Variants in ELP4 observed in about 807,000 individuals in gnomAD.
ELP4 encodes the protein elongator acetyltransferase complex subunit 4.
Under a neutral mutation model 48.9 loss-of-function variants are expected in ELP4, and 51 were observed. That is an observed-to-expected ratio of 1.04 (90% confidence interval 0.83 to 1.32). The LOEUF is 1.32. Ranked by LOEUF, ELP4 falls within the 40% of genes most tolerant of loss-of-function variation. ELP4 has a pLI of 0.00. For missense variants in ELP4, 519 were observed against 514.6 expected (o/e 1.01, Z -0.08); for synonymous variants, 210 against 189.2 (o/e 1.11, Z -0.90).
At chr11:31,617,901 G>T (rs1170219025) in intron 5 of ELP4, among the ~76,000 whole-genome samples, 8 of 151,884 alleles carry the variant, frequency 5.3e-5, no homozygotes, top group Non-Finnish European at 1.2e-4. Flanking sequence ...TTTTGGACTG[G>T]TACACTCTGG....
At chr11:31,690,199 A>G (rs1946247721) in intron 9 of ELP4, among the ~76,000 whole-genome samples, 1 of 152,178 alleles carries the variant, frequency 6.6e-6, no homozygotes. Context: ...CAGTCAGAGG[A>G]ATAGCTGACT....
At chr11:31,671,859 A>G (rs1945815040) in intron 9 of ELP4, among the ~76,000 whole-genome samples, 1 of 152,158 alleles carries the variant, frequency 6.6e-6, no homozygotes, top group Non-Finnish European at 1.5e-5. Context: ...TGCATACAGA[A>G]TTCTGTGAAC....
chr11:31,770,505 C>T (rs1479967980), intron 9 of ELP4, among the ~76,000 whole-genome samples: 1 of 150,074 alleles, frequency 6.7e-6, no homozygotes, highest in Non-Finnish European at 1.5e-5. Flanking sequence ...TCAACTGTTA[C>T]CTAAATGATT....
chr11:31,632,652 C>A (rs150093665), intron 7 of ELP4: 1 of 345,384 alleles, frequency 2.9e-6, no homozygotes, highest in African/African-American at 2.1e-5. Context: ...CTATGACTTG[C>A]TTTTTCTATT....
At chr11:31,568,237 G>A (rs527344979) in intron 3 of ELP4, among the ~76,000 whole-genome samples, 68 of 152,144 alleles carry the variant, frequency 4.5e-4, no homozygotes, top group South Asian at 1.9e-3. Flanking sequence ...TTAGGAATAC[G>A]GCTAACCAAG....
Position 31,649,939 on chromosome 11 carries a change from T to G in ELP4, c.1037-176T>G. The G allele has an allele frequency of 7.1e-6, 3 of 422,990 alleles. No homozygotes were observed. The East Asian group carries it at 1.1e-4, about 15-fold the overall frequency. The allele number at this position is 422,990 out of a possible 1,614,324, so 26.2% of individuals were successfully genotyped here. A position where few individuals can be genotyped will look rare whatever the true frequency, so the allele number is the denominator to read the frequency against. On this transcript the variant is annotated intron_variant, in intron 8 of 9. Transcript: ENST00000640961. ...AGGATTTCTGTTTATCTTATTCTGC[T>G]TGATTACTTGAGTATAATCACACCA...
At chr11:31,754,476 TACA>T (rs1947792668) in intron 9 of ELP4, among the ~76,000 whole-genome samples, 1 of 152,146 alleles carries the variant, frequency 6.6e-6, no homozygotes, top group East Asian at 1.9e-4. Flanking sequence ...GTAATACTAG[TACA>T]ACTAGTATTC....
intron 5 of ELP4, among the ~76,000 whole-genome samples, chr11:31,611,830 A>G (rs954696973): frequency 1.3e-5 from 2 of 152,214 alleles, no homozygotes; most frequent in African/African-American, 4.8e-5. Flanking sequence ...AAATATAAAG[A>G]AAAAACATTT....
At chr11:31,623,775 C>A (rs1412035983) in intron 5 of ELP4, among the ~76,000 whole-genome samples, 1 of 150,216 alleles carries the variant, frequency 6.7e-6, no homozygotes, top group African/African-American at 2.4e-5. Flanking sequence ...AAAAAAAAAA[C>A]CTATGGAATG....
intron 3 of ELP4, among the ~76,000 whole-genome samples, chr11:31,545,600 C>T (rs1474605581): frequency 1.3e-5 from 2 of 152,100 alleles, no homozygotes; most frequent in Non-Finnish European, 2.9e-5. Flanking sequence ...TATAGCAAGG[C>T]AGGCCAACAT....
At chr11:31,704,316 G>A (rs898050052) in intron 9 of ELP4, among the ~76,000 whole-genome samples, 1 of 151,928 alleles carries the variant, frequency 6.6e-6, no homozygotes, top group African/African-American at 2.4e-5. Context: ...CATAAAAAAG[G>A]ATGAGTTCAT....
At chr11:31,628,041 T>G (rs1434557983) in intron 6 of ELP4, among the ~76,000 whole-genome samples, 3 of 152,134 alleles carry the variant, frequency 2.0e-5, no homozygotes, top group Non-Finnish European at 2.9e-5. Flanking sequence ...TTTGTTTTGA[T>G]TGCCAGTTTA....
chr11:31,572,598 GTCTA>G (rs978105943), intron 3 of ELP4, among the ~76,000 whole-genome samples: 51 of 152,220 alleles, frequency 3.4e-4, no homozygotes, highest in African/African-American at 8.2e-4. Flanking sequence ...TAGAGAGATT[GTCTA>G]TCTATCTATC....
intron 3 of ELP4, among the ~76,000 whole-genome samples, chr11:31,548,648 A>G (rs1956779733): frequency 6.6e-6 from 1 of 152,184 alleles, no homozygotes; most frequent in Non-Finnish European, 1.5e-5. Context: ...TAAAGTTCAT[A>G]TGGAACCAAA....
intron 4 of ELP4, among the ~76,000 whole-genome samples, chr11:31,601,678 T>C (rs1957786064): frequency 6.6e-6 from 1 of 152,114 alleles, no homozygotes; most frequent in African/African-American, 2.4e-5. Flanking sequence ...TTCAAGAACT[T>C]TCAGTCCACT....
intron 3 of ELP4, among the ~76,000 whole-genome samples, chr11:31,566,971 C>T (rs745622598): frequency 2.4e-4 from 36 of 152,186 alleles, no homozygotes; most frequent in Non-Finnish European, 2.5e-4. Context: ...TCACAATTTA[C>T]ATTTTTCACA....
chr11:31,682,990 T>C (rs1453986142), intron 9 of ELP4, among the ~76,000 whole-genome samples: 1 of 152,180 alleles, frequency 6.6e-6, no homozygotes, highest in Non-Finnish European at 1.5e-5. Context: ...AGTGCCAAAA[T>C]ATTTCACTGA....
intron 9 of ELP4, among the ~76,000 whole-genome samples, chr11:31,746,028 C>G (rs1947582017): frequency 6.6e-6 from 1 of 152,138 alleles, no homozygotes; most frequent in African/African-American, 2.4e-5. Context: ...CTACAATGAA[C>G]TCAAACAAAT....
At chr11:31,601,019 A>G (rs1474911734) in intron 4 of ELP4, among the ~76,000 whole-genome samples, 2 of 152,170 alleles carry the variant, frequency 1.3e-5, no homozygotes, top group African/African-American at 4.8e-5. Context: ...ATGAACGTGA[A>G]TTAGAAGTTT....
Sources: gnomAD v4.1 joint callset for allele counts (sites outside exome capture counted in the v4.1 genomes callset) on GRCh38, gnomAD v4.1.1 for gene constraint, MANE v1.5 for transcripts, NCBI Gene and HGNC (gene_info 2026-07-23, HGNC 2026-07-21) for gene names.